Variants in ACER3 observed in about 807,000 individuals in gnomAD.
The protein encoded by ACER3 is alkaline ceramidase 3.
ACER3 carries 16 observed loss-of-function variants against 48.9 expected under a neutral mutation model. That is an observed-to-expected ratio of 0.33 (90% CI 0.22 to 0.50). The LOEUF (loss-of-function observed/expected upper bound fraction) is 0.50, where lower values mean the gene tolerates loss of function less well. Among genes scored for constraint, ACER3 ranks in the 20% least tolerant of loss-of-function variants. The probability of loss-of-function intolerance (pLI) is 0.98; values close to 1 mark genes in which losing one functional copy is unlikely to be tolerated. For synonymous variants in ACER3, 109 were observed against 107.8 expected (o/e 1.01, Z -0.07); for missense variants, 227 against 326.0 (o/e 0.70, Z 2.34).
intron 1 of ACER3, among the ~76,000 whole-genome samples, chr11:76,921,621 T>C (rs1011285100): frequency 6.6e-6 from 1 of 152,300 alleles, no homozygotes; most frequent in African/African-American, 2.4e-5. Context: ...CCAGGTTTGT[T>C]GTTACTCAAG....
At chr11:76,975,861 C>CT (rs11431680) in intron 3 of ACER3, among the ~76,000 whole-genome samples, 105,317 of 140,454 alleles carry the variant, frequency 0.75, 39,945 homozygotes, top group African/African-American at 0.8. Flanking sequence ...GAGCTGAAAC[C>CT]TTTTTTTCTT....
intron 1 of ACER3, among the ~76,000 whole-genome samples, chr11:76,866,604 A>C (rs1286950594): frequency 1.3e-5 from 2 of 152,234 alleles, no homozygotes; most frequent in Admixed American, 6.5e-5. Flanking sequence ...TTATTTAACT[A>C]AACTATGATA....
At chr11:76,960,163 C>T (rs558322473) in intron 3 of ACER3, among the ~76,000 whole-genome samples, 1 of 152,216 alleles carries the variant, frequency 6.6e-6, no homozygotes, top group African/African-American at 2.4e-5. Context: ...GTAATCCCAG[C>T]ACTTTGAGAG....
intron 1 of ACER3, among the ~76,000 whole-genome samples, chr11:76,887,501 A>G (rs1001439601): frequency 6.6e-6 from 1 of 152,192 alleles, no homozygotes; most frequent in Admixed American, 6.5e-5. Context: ...CATTTTTAAA[A>G]GTATATAGTT....
intron 3 of ACER3, among the ~76,000 whole-genome samples, chr11:76,971,516 T>A (rs1197800583): frequency 6.6e-6 from 1 of 150,580 alleles, no homozygotes; most frequent in Non-Finnish European, 1.5e-5. Context: ...CTCCTCCTGG[T>A]GACAGAGTGA....
chr11:76,977,393 AG>A (rs1711666641), intron 4 of ACER3, among the ~76,000 whole-genome samples: 1 of 152,120 alleles, frequency 6.6e-6, no homozygotes, highest in African/African-American at 2.4e-5. Context: ...CCTTCTAAGG[AG>A]GGTGGGTGAG....
chr11:76,912,819 A>G (rs1308436631), intron 1 of ACER3, among the ~76,000 whole-genome samples: 1 of 152,210 alleles, frequency 6.6e-6, no homozygotes, highest in African/African-American at 2.4e-5. Flanking sequence ...TTGTATTGTT[A>G]GCGGTGGAAG....
chr11:76,971,311 G>A (rs1344028386), intron 3 of ACER3, among the ~76,000 whole-genome samples: 1 of 152,140 alleles, frequency 6.6e-6, no homozygotes, highest in African/African-American at 2.4e-5. Context: ...GGAGGCCGAG[G>A]TGGGTGGATC....
chr11:76,979,769 A>T (rs953056647), intron 4 of ACER3, among the ~76,000 whole-genome samples: 5 of 152,114 alleles, frequency 3.3e-5, no homozygotes, highest in Non-Finnish European at 5.9e-5. Context: ...CAACTCTGCT[A>T]TTGTAGCTTG....
chr11:77,011,256 A>G, intron 7 of ACER3: 3 of 834,816 alleles, frequency 3.6e-6, no homozygotes, highest in South Asian at 1.1e-4. Flanking sequence ...TGCATGGACC[A>G]TGTGCTGATG....
intron 2 of ACER3, among the ~76,000 whole-genome samples, chr11:76,950,349 G>T: frequency 1.8e-5 from 1 of 55,982 alleles, no homozygotes; most frequent in Non-Finnish European, 3.4e-5. Flanking sequence ...AGAGTGACAT[G>T]ATCATATATA....
At chr11:76,877,802 T>A (rs1945424226) in intron 1 of ACER3, among the ~76,000 whole-genome samples, 1 of 152,152 alleles carries the variant, frequency 6.6e-6, no homozygotes, top group Non-Finnish European at 1.5e-5. Flanking sequence ...ACCAGTATAC[T>A]TAATTTAGTG....
At chr11:76,910,856 A>G (rs1254465529) in intron 1 of ACER3, among the ~76,000 whole-genome samples, 2 of 152,220 alleles carry the variant, frequency 1.3e-5, no homozygotes, top group Non-Finnish European at 2.9e-5. Flanking sequence ...ACCCACAAAT[A>G]TAATGATTAA....
intron 2 of ACER3, among the ~76,000 whole-genome samples, chr11:76,932,199 C>T (rs886828326): frequency 9.8e-5 from 15 of 152,288 alleles, no homozygotes; most frequent in South Asian, 2.1e-4. Flanking sequence ...ATCTTCCTGC[C>T]GTGGCCTCCC....
rs1399738466 is a variant in ACER3 at position 77,009,681 on chromosome 11, C to T, written c.498-5335C>T. Among the ~76,000 whole-genome samples, 3 of 152,114 alleles carry T rather than the reference C, an allele frequency of 2.0e-5. No individual in the cohort carries two copies. In the East Asian group the frequency reaches 5.8e-4, roughly 29 times the overall value. On this transcript the variant is annotated intron_variant, in intron 7 of 10. Transcript: ENST00000532485. ...AATAAATTAGGTAGGTGTGGTGGCACATACCTTTAGTCCCAGCTACTCAGC... is the reference window on the plus strand; with the variant it reads ...AATAAATTAGGTAGGTGTGGTGGCATATACCTTTAGTCCCAGCTACTCAGC...
intron 2 of ACER3, among the ~76,000 whole-genome samples, chr11:76,955,218 C>G (rs113246849): frequency 6.6e-6 from 1 of 152,060 alleles, no homozygotes; most frequent in African/African-American, 2.4e-5. Context: ...AATACTAAAC[C>G]ATGTGACCCA....
intron 1 of ACER3, among the ~76,000 whole-genome samples, chr11:76,912,505 T>C (rs193123849): frequency 3.7e-4 from 57 of 152,224 alleles, no homozygotes; most frequent in African/African-American, 1.3e-3. Flanking sequence ...CAATAAGGGA[T>C]TATACAAATT....
chr11:76,862,092 A>G (rs928527066), intron 1 of ACER3, among the ~76,000 whole-genome samples: 4 of 152,214 alleles, frequency 2.6e-5, no homozygotes, highest in African/African-American at 7.2e-5. Flanking sequence ...TGCAAAGACT[A>G]TCCTTTGGCT....
chr11:76,948,139 A>C (rs1947523044), intron 2 of ACER3, among the ~76,000 whole-genome samples: 1 of 151,806 alleles, frequency 6.6e-6, no homozygotes, highest in Non-Finnish European at 1.5e-5. Flanking sequence ...AAAAGGTATA[A>C]AAGATTATAA....
Sources: allele counts gnomAD v4.1 joint callset (sites outside exome capture counted in the v4.1 genomes callset), GRCh38; gene constraint gnomAD v4.1.1; transcripts MANE v1.5; gene names NCBI Gene and HGNC (gene_info 2026-07-23, HGNC 2026-07-21).